Variants in NAV3 observed in about 807,000 individuals in gnomAD.
NAV3 encodes neuron navigator 3, also known as pore membrane and/or filament interacting like protein 1.
A neutral mutation model predicts 244.7 loss-of-function variants in NAV3; 87 were observed. That is an observed-to-expected ratio of 0.36 (90% confidence interval 0.30 to 0.42). The LOEUF is 0.42. NAV3 is among the 20% of genes least tolerant of loss of function. The probability of loss-of-function intolerance (pLI) is 1.00; values close to 1 mark genes in which losing one functional copy is unlikely to be tolerated. For missense variants in NAV3, 2,663 were observed against 2,893.3 expected (o/e 0.92, Z 1.83); for synonymous variants, 1,126 against 1,042.2 (o/e 1.08, Z -1.55).
intron 23 of NAV3, among the ~76,000 whole-genome samples, chr12:78,168,537 C>T (rs1200081353): frequency 1.3e-5 from 2 of 151,620 alleles, no homozygotes; most frequent in African/African-American, 2.4e-5. Context: ...TTTTATAAGA[C>T]AATAAGAAAA....
intron 1 of NAV3, among the ~76,000 whole-genome samples, chr12:77,874,028 G>T (rs1284803065): frequency 6.6e-6 from 1 of 151,482 alleles, no homozygotes; most frequent in Admixed American, 6.6e-5. Flanking sequence ...ATCCTATTGT[G>T]AACTGCGATG....
At chr12:77,834,686 G>C (rs771053957) in intron 1 of NAV3, among the ~76,000 whole-genome samples, 1 of 152,176 alleles carries the variant, frequency 6.6e-6, no homozygotes, top group African/African-American at 2.4e-5. Context: ...TCTTTGGTTA[G>C]CAAACATATT....
At chr12:78,042,260 C>T (rs1226162154) in intron 9 of NAV3, among the ~76,000 whole-genome samples, 1 of 152,162 alleles carries the variant, frequency 6.6e-6, no homozygotes, top group Non-Finnish European at 1.5e-5. Context: ...GACACTTCTG[C>T]CCCCAGTTGA....
chr12:77,870,682 A>G (rs573305872), intron 1 of NAV3, among the ~76,000 whole-genome samples: 1 of 152,288 alleles, frequency 6.6e-6, no homozygotes, highest in East Asian at 1.9e-4. Context: ...AGTGGGAAAA[A>G]GAGACATGTT....
chr12:77,852,108 A>G (rs985989505), intron 1 of NAV3, among the ~76,000 whole-genome samples: 8 of 152,242 alleles, frequency 5.3e-5, no homozygotes, highest in Non-Finnish European at 7.3e-5. Flanking sequence ...CAGCAAAAGT[A>G]TAAATAAAAT....
At position 77,626,615 on chromosome 12, in the gene NAV3, C is replaced by A. The variant is rs538548804; in HGVS notation, c.72+54349C>A. On this transcript the variant is annotated intron_variant, in intron 2 of 8. Coordinates refer to the NAV3 transcript ENST00000550042. ...AACATGGATTTTTCAACAGAAACTA[C>A]ACAGGCCAGGAGTGAATAGTATGAT... Among the ~76,000 whole-genome samples, 3 of 152,132 alleles carry A rather than the reference C, an allele frequency of 2.0e-5. No individual in the cohort carries two copies. In the South Asian group the frequency reaches 6.2e-4, roughly 32 times the overall value.
chr12:78,072,189 G>A (rs1952805898), intron 12 of NAV3, among the ~76,000 whole-genome samples: 1 of 149,286 alleles, frequency 6.7e-6, no homozygotes, highest in Non-Finnish European at 1.5e-5. Context: ...TAAAATCAGA[G>A]CAGAACTGAA....
At chr12:77,729,551 G>T (rs988518805) in intron 2 of NAV3, among the ~76,000 whole-genome samples, 12 of 151,930 alleles carry the variant, frequency 7.9e-5, no homozygotes, top group African/African-American at 2.9e-4. Context: ...AGATAAACAT[G>T]GTGATCAGAG....
At chr12:77,608,523 G>A (rs1200510475) in intron 2 of NAV3, among the ~76,000 whole-genome samples, 2 of 152,110 alleles carry the variant, frequency 1.3e-5, no homozygotes, top group Admixed American at 6.6e-5. Flanking sequence ...GCCATAACAA[G>A]ATGCTAATAA....
intron 12 of NAV3, among the ~76,000 whole-genome samples, chr12:78,078,464 C>T (rs1487701501): frequency 7.6e-6 from 1 of 130,848 alleles, no homozygotes; most frequent in East Asian, 2.6e-4. Context: ...GGCGGGATCT[C>T]GGCTCACCGC....
At position 77,717,370 on chromosome 12, in the gene NAV3, A is replaced by G. The variant is rs548316243; in HGVS notation, c.72+145104A>G. On this transcript the variant is annotated intron_variant, in intron 2 of 8. Transcript: ENST00000550042. ...ATACCTTATATAAGTGGAATCATGC[A>G]GTATTTGTCCTTAAGCAACTGGCTT... 1.7e-4 allele frequency among the ~76,000 whole-genome samples: 26 copies of G among 152,206 alleles called. 1 individual carries two copies. In the South Asian group the frequency reaches 5.4e-3, roughly 32 times the overall value.
chr12:77,952,007 T>G (rs928339730), intron 3 of NAV3, among the ~76,000 whole-genome samples: 1 of 151,384 alleles, frequency 6.6e-6, no homozygotes, highest in African/African-American at 2.4e-5. Flanking sequence ...ACATGGCACA[T>G]GTATACATAT....
At chr12:77,572,868 G>A (rs1200327326) in intron 2 of NAV3, among the ~76,000 whole-genome samples, 3 of 151,976 alleles carry the variant, frequency 2.0e-5, no homozygotes, top group East Asian at 1.9e-4. Flanking sequence ...AGTAAGAAGT[G>A]GGGATTGAAT....
At chr12:77,979,799 A>G (rs1869227748) in intron 5 of NAV3, among the ~76,000 whole-genome samples, 1 of 151,548 alleles carries the variant, frequency 6.6e-6, no homozygotes, top group Non-Finnish European at 1.5e-5. Flanking sequence ...GACCCCAGTC[A>G]CTGCTTACTA....
chr12:77,795,759 T>C (rs1871378956), intron 2 of NAV3, among the ~76,000 whole-genome samples: 1 of 152,192 alleles, frequency 6.6e-6, no homozygotes, highest in African/African-American at 2.4e-5. Context: ...TCATTGACCA[T>C]TCTGAAGATC....
At chr12:77,608,195 C>G (rs970988965) in intron 2 of NAV3, among the ~76,000 whole-genome samples, 2 of 152,082 alleles carry the variant, frequency 1.3e-5, no homozygotes, top group Admixed American at 6.6e-5. Context: ...ATTTATATTA[C>G]TTCCATAAAA....
intron 2 of NAV3, among the ~76,000 whole-genome samples, chr12:77,614,478 T>C (rs1467335681): frequency 6.6e-6 from 1 of 152,170 alleles, no homozygotes; most frequent in Non-Finnish European, 1.5e-5. Context: ...ATATATTAAA[T>C]ATTTATCACT....
At chr12:77,898,266 C>G (rs1592935095) in intron 1 of NAV3, among the ~76,000 whole-genome samples, 1 of 152,176 alleles carries the variant, frequency 6.6e-6, no homozygotes, top group East Asian at 1.9e-4. Context: ...TCGAACTTGT[C>G]AAACATTATA....
chr12:78,024,402 T>C (rs1877661876), intron 9 of NAV3, among the ~76,000 whole-genome samples: 1 of 152,140 alleles, frequency 6.6e-6, no homozygotes, highest in South Asian at 2.1e-4. Context: ...AGTCAGTCTA[T>C]TTTTTATACC....
Sources: allele counts gnomAD v4.1 joint callset (sites outside exome capture counted in the v4.1 genomes callset), GRCh38; gene constraint gnomAD v4.1.1; transcripts MANE v1.5; gene names NCBI Gene and HGNC (gene_info 2026-07-23, HGNC 2026-07-21).